The following CCSER1 variants were observed in gnomAD, a reference collection of about 807,000 sequenced individuals.
The protein encoded by CCSER1 is serine-rich coiled-coil domain-containing protein 1.
In CCSER1, 41 loss-of-function variants were observed where a neutral mutation model predicts 82.0. The observed-to-expected ratio is 0.50, with a 90% CI of 0.39 to 0.65. The LOEUF (loss-of-function observed/expected upper bound fraction) is 0.65. CCSER1 is among the 30% of genes least tolerant of loss of function. The pLI, the probability that CCSER1 is intolerant of heterozygous loss-of-function variation, is 0.00. For missense variants in CCSER1, 1,119 were observed against 1,064.2 expected (o/e 1.05, Z -0.72); for synonymous variants, 414 against 383.9 (o/e 1.08, Z -0.92).
chr4:91,149,637 T>C (rs1295781606), intron 10 of CCSER1, among the ~76,000 whole-genome samples: 2 of 152,206 alleles, frequency 1.3e-5, no homozygotes, highest in East Asian at 3.8e-4. Flanking sequence ...CTTTAATTCA[T>C]CTTGAATTAA....
chr4:90,519,821 A>G (rs2153623478), intron 5 of CCSER1, among the ~76,000 whole-genome samples: 1 of 152,196 alleles, frequency 6.6e-6, no homozygotes, highest in East Asian at 1.9e-4. Flanking sequence ...ACATTTAATT[A>G]TCTCAGAACA....
chr4:91,505,878 A>T (rs1759454909), intron 10 of CCSER1, among the ~76,000 whole-genome samples: 2 of 152,134 alleles, frequency 1.3e-5, no homozygotes, highest in Admixed American at 1.3e-4. Context: ...AGTTTCTCCC[A>T]TTCTGTGGGT....
At chr4:90,896,213 C>T (rs756237663) in intron 8 of CCSER1, among the ~76,000 whole-genome samples, 3 of 151,676 alleles carry the variant, frequency 2.0e-5, no homozygotes, top group African/African-American at 7.3e-5. Flanking sequence ...GGAATCTGCA[C>T]GAAGAAAAAA....
At chr4:90,662,916 T>A (rs1427664583) in intron 6 of CCSER1, among the ~76,000 whole-genome samples, 1 of 152,174 alleles carries the variant, frequency 6.6e-6, no homozygotes, top group East Asian at 1.9e-4. Flanking sequence ...AGTTTTATTA[T>A]TATCACTGCT....
intron 9 of CCSER1, among the ~76,000 whole-genome samples, chr4:91,057,023 G>A (rs1361810293): frequency 6.6e-6 from 1 of 152,150 alleles, no homozygotes; most frequent in Non-Finnish European, 1.5e-5. Context: ...GCAACTATGA[G>A]GGAGAGGTAC....
In CCSER1 at chr4:90,468,355, G is replaced by C. The variant is rs1177678198; in HGVS notation, c.1724+1G>C. On this transcript the variant is annotated splice_donor_variant, in intron 5 of 10. Coordinates refer to ENST00000509176, the MANE Select transcript of CCSER1 (RefSeq NM_001145065.2). LOFTEE classifies it high-confidence loss of function. ...CAGAATTTCCTGAGCCTTCCAAACA[G>C]TGAGTTGTTCATTTAATTTTTCAAG... The C allele has an allele frequency of 6.3e-7, 1 of 1,599,628 alleles. No homozygotes were observed. Among genetic ancestry groups the C allele is most frequent in the East Asian group, 2.2e-5 (1 of 44,636 alleles).
At chr4:91,301,085 T>C (rs763824451) in intron 10 of CCSER1, among the ~76,000 whole-genome samples, 5 of 151,934 alleles carry the variant, frequency 3.3e-5, no homozygotes, top group Non-Finnish European at 7.4e-5. Flanking sequence ...TTGTACATTA[T>C]GCATACATAA....
At chr4:91,017,354 C>G (rs1739523968) in intron 9 of CCSER1, 1 of 152,128 alleles carries the variant, frequency 6.6e-6, no homozygotes, top group Non-Finnish European at 1.5e-5. Context: ...AAACCTTGAT[C>G]TTCCATTGTA....
At chr4:91,331,972 C>T (rs1489633310) in intron 10 of CCSER1, among the ~76,000 whole-genome samples, 3 of 152,076 alleles carry the variant, frequency 2.0e-5, no homozygotes, top group Non-Finnish European at 4.4e-5. Flanking sequence ...GATACATATA[C>T]ATATCACAAT....
intron 8 of CCSER1, among the ~76,000 whole-genome samples, chr4:90,861,921 TATATA>T (rs1561265210): frequency 1.7e-4 from 19 of 111,228 alleles, no homozygotes; most frequent in Non-Finnish European, 3.2e-4. Flanking sequence ...TATATATATA[TATATA>T]TTTTTTTTTT....
chr4:90,958,004 A>G (rs1288729749), intron 9 of CCSER1, among the ~76,000 whole-genome samples: 1 of 152,122 alleles, frequency 6.6e-6, no homozygotes. Context: ...GAGTTACTTG[A>G]GAGAGCTTCT....
rs190575233 is a variant in CCSER1 at position 90,810,989 on chromosome 4, C to A, written c.2011-4773C>A. 3.7e-3 allele frequency among the ~76,000 whole-genome samples: 565 copies of A among 151,858 alleles called. 3 individuals carry two copies. The highest frequency in any genetic ancestry group is 0.013 in the African/African-American group (551 of 41,438). ...CTGGGACTACAGGTGCCCACCACCG[C>A]GCCCAACTAATTTTTTGTATTTTTA... On this transcript the variant is annotated intron_variant, in intron 7 of 10. Coordinates refer to ENST00000509176, the MANE Select transcript of CCSER1 (RefSeq NM_001145065.2).
chr4:91,006,470 G>T (rs1423478689), intron 9 of CCSER1, among the ~76,000 whole-genome samples: 3 of 151,094 alleles, frequency 2.0e-5, no homozygotes, highest in African/African-American at 7.3e-5. Flanking sequence ...TTTCTATTTG[G>T]ATGCCTTTTA....
At chr4:90,985,419 G>T (rs972950680) in intron 9 of CCSER1, among the ~76,000 whole-genome samples, 5 of 151,150 alleles carry the variant, frequency 3.3e-5, no homozygotes, top group Non-Finnish European at 4.4e-5. Flanking sequence ...AACTTTTTAA[G>T]ATAAGAAAAC....
At chr4:91,150,306 C>G (rs568348298) in intron 10 of CCSER1, among the ~76,000 whole-genome samples, 1 of 151,966 alleles carries the variant, frequency 6.6e-6, no homozygotes, top group Admixed American at 6.6e-5. Flanking sequence ...ATAAAAATGC[C>G]TGTGATTTTT....
chr4:90,520,029 T>C (rs1046227322), intron 5 of CCSER1, among the ~76,000 whole-genome samples: 8 of 152,012 alleles, frequency 5.3e-5, no homozygotes, highest in Admixed American at 3.9e-4. Flanking sequence ...ATATTAACAA[T>C]TTAAGCCTCC....
At chr4:90,660,638 T>C (rs1399411) in intron 6 of CCSER1, among the ~76,000 whole-genome samples, 77,914 of 151,910 alleles carry the variant, frequency 0.51, 20,216 homozygotes, top group Middle Eastern at 0.67. Flanking sequence ...AACATTATTA[T>C]GTTTTGATTT....
chr4:91,450,112 G>C (rs1755790329), intron 10 of CCSER1, among the ~76,000 whole-genome samples: 1 of 48,656 alleles, frequency 2.1e-5, no homozygotes. Flanking sequence ...ACAATGGCTG[G>C]AGATTTGTTT....
intron 10 of CCSER1, among the ~76,000 whole-genome samples, chr4:91,260,106 G>T (rs1740990658): frequency 6.6e-6 from 1 of 152,102 alleles, no homozygotes; most frequent in Admixed American, 6.6e-5. Context: ...AACATTCGGG[G>T]TTACTGTGGA....
Sources: allele counts gnomAD v4.1 joint callset (sites outside exome capture counted in the v4.1 genomes callset), GRCh38; gene constraint gnomAD v4.1.1; transcripts MANE v1.5; gene names NCBI Gene and HGNC (gene_info 2026-07-23, HGNC 2026-07-21).